The following NAV3 variants were observed in gnomAD, a reference collection of about 807,000 sequenced individuals.
NAV3 encodes neuron navigator 3.
In NAV3, 87 loss-of-function variants were observed where a neutral mutation model predicts 244.7. The observed-to-expected ratio is 0.36, with a 90% CI of 0.30 to 0.42. The LOEUF (loss-of-function observed/expected upper bound fraction) is 0.42, where lower values mean the gene tolerates loss of function less well. Ranked by LOEUF, NAV3 falls within the 20% of genes least tolerant of loss-of-function variation. The pLI is 1.00. For missense variants in NAV3, 2,663 were observed against 2,893.3 expected (o/e 0.92, Z 1.83); for synonymous variants, 1,126 against 1,042.2 (o/e 1.08, Z -1.55).
At chr12:78,129,943 A>G (rs1956090210) in intron 18 of NAV3, among the ~76,000 whole-genome samples, 1 of 152,114 alleles carries the variant, frequency 6.6e-6, no homozygotes, top group Non-Finnish European at 1.5e-5. Context: ...ACAATCCAAA[A>G]CCTTATATTT....
chr12:77,979,495 G>A (rs2136246884), intron 5 of NAV3, among the ~76,000 whole-genome samples: 1 of 152,098 alleles, frequency 6.6e-6, no homozygotes, highest in East Asian at 1.9e-4. Flanking sequence ...TGGAAAATCA[G>A]GAGATAACTT....
chr12:77,903,616 A>G (rs1381650273), intron 1 of NAV3, among the ~76,000 whole-genome samples: 1 of 152,214 alleles, frequency 6.6e-6, no homozygotes, highest in African/African-American at 2.4e-5. Flanking sequence ...ACCAAAAGCA[A>G]TGGCAACAAA....
At chr12:77,575,780 T>C (rs1219506149) in intron 2 of NAV3, among the ~76,000 whole-genome samples, 1 of 152,174 alleles carries the variant, frequency 6.6e-6, no homozygotes, top group Non-Finnish European at 1.5e-5. Context: ...TCCATGAATA[T>C]TTTGTGTATT....
chr12:78,140,215 TG>T, intron 19 of NAV3, 66 bp from the exon 20 acceptor site: 1 of 1,341,568 alleles, frequency 7.5e-7, no homozygotes, highest in Non-Finnish European at 1.1e-6. Context: ...TTACTTTTTC[TG>T]TAAAGGCTGG....
At chr12:77,733,834 ATTTTTTTTTTTT>A (rs56770236) in intron 2 of NAV3, among the ~76,000 whole-genome samples, 3 of 124,190 alleles carry the variant, frequency 2.4e-5, no homozygotes, top group African/African-American at 9.3e-5. Flanking sequence ...CTTGGTTTAG[ATTTTTTTTTTTT>A]TTTTTTTTTT....
intron 5 of NAV3, among the ~76,000 whole-genome samples, chr12:77,982,357 G>C (rs1869736617): frequency 3.3e-5 from 2 of 61,350 alleles, no homozygotes; most frequent in Non-Finnish European, 9.4e-5. Flanking sequence ...AGATACATCA[G>C]ATATGTGGCT....
intron 34 of NAV3, among the ~76,000 whole-genome samples, chr12:78,191,818 T>C (rs1354610258): frequency 2.6e-5 from 4 of 152,174 alleles, no homozygotes; most frequent in Non-Finnish European, 5.9e-5. Context: ...TTGAAAGGCC[T>C]CTTAGTCATC....
At chr12:77,743,352 A>G (rs1464227517) in intron 2 of NAV3, among the ~76,000 whole-genome samples, 1 of 151,818 alleles carries the variant, frequency 6.6e-6, no homozygotes, top group Non-Finnish European at 1.5e-5. Context: ...GATTTTTTCG[A>G]CTAGGGGTTG....
intron 38 of NAV3, among the ~76,000 whole-genome samples, chr12:78,204,065 C>A (rs1208914086): frequency 1.3e-5 from 2 of 151,848 alleles, no homozygotes; most frequent in Admixed American, 1.3e-4. Context: ...TATTTTTTAT[C>A]CTCTTTTACT....
At position 77,713,253 on chromosome 12, in the gene NAV3, A is replaced by G. The variant is rs11106396; in HGVS notation, c.72+140987A>G. On this transcript the variant is annotated intron_variant, in intron 2 of 8. Coordinates refer to the NAV3 transcript ENST00000550042. ...TGATGTATATGTGTACTGGCTTCTG[A>G]TTTTTTAAGTATTTGTGTTTCTCTC... is the stretch of plus-strand genomic sequence containing the variant. 1.8e-3 allele frequency among the ~76,000 whole-genome samples: 272 copies of G among 152,256 alleles called. 3 individuals carry two copies. Among genetic ancestry groups the G allele is most frequent in the African/African-American group, 6.3e-3 (262 of 41,542 alleles).
chr12:77,672,199 A>G (rs183383154), intron 2 of NAV3, among the ~76,000 whole-genome samples: 1 of 152,184 alleles, frequency 6.6e-6, no homozygotes, highest in Admixed American at 6.5e-5. Flanking sequence ...TCAAAACCAC[A>G]CTGCGGCCTG....
intron 2 of NAV3, among the ~76,000 whole-genome samples, chr12:77,789,048 G>A (rs189693380): frequency 8.9e-4 from 135 of 152,194 alleles, no homozygotes; most frequent in African/African-American, 2.9e-3. Flanking sequence ...ACTCTTCTAC[G>A]TTCCTAACAT....
intron 12 of NAV3, among the ~76,000 whole-genome samples, chr12:78,109,906 C>T (rs1431023771): frequency 2.0e-5 from 3 of 152,020 alleles, no homozygotes; most frequent in Non-Finnish European, 4.4e-5. Context: ...TGCAAACTCT[C>T]ACCACTCCTA....
intron 2 of NAV3, among the ~76,000 whole-genome samples, chr12:77,728,787 T>C (rs568067158): frequency 6.2e-4 from 94 of 151,978 alleles, no homozygotes; most frequent in African/African-American, 2.2e-3. Context: ...GGTCCACTTA[T>C]ACCTAGATCT....
intron 2 of NAV3, among the ~76,000 whole-genome samples, chr12:77,618,167 T>G (rs11105964): frequency 6.6e-6 from 1 of 152,342 alleles, no homozygotes; most frequent in East Asian, 1.9e-4. Context: ...AGCCTTCAGA[T>G]GACTGTAACC....
chr12:77,629,047 A>G (rs1023306737), intron 2 of NAV3, among the ~76,000 whole-genome samples: 1 of 152,242 alleles, frequency 6.6e-6, no homozygotes, highest in Non-Finnish European at 1.5e-5. Flanking sequence ...TACAATTAAA[A>G]TAATTTTATG....
At chr12:77,638,412 C>G (rs1355890574) in intron 2 of NAV3, among the ~76,000 whole-genome samples, 1 of 152,228 alleles carries the variant, frequency 6.6e-6, no homozygotes, top group Non-Finnish European at 1.5e-5. Context: ...CAGTTTACTA[C>G]TTTCTCATAC....
chr12:78,056,275 A>G (rs1283111109), intron 11 of NAV3: 1 of 152,184 alleles, frequency 6.6e-6, no homozygotes, highest in African/African-American at 2.4e-5. Flanking sequence ...GATGTGCTGG[A>G]CTTATTGCTC....
intron 20 of NAV3, among the ~76,000 whole-genome samples, chr12:78,144,655 C>T (rs1323042873): frequency 6.6e-6 from 1 of 151,706 alleles, no homozygotes; most frequent in East Asian, 1.9e-4. Context: ...GTATATGTAA[C>T]AGGACTATTA....
Sources: gnomAD v4.1 joint callset for allele counts (sites outside exome capture counted in the v4.1 genomes callset) on GRCh38, gnomAD v4.1.1 for gene constraint, MANE v1.5 for transcripts, NCBI Gene and HGNC (gene_info 2026-07-23, HGNC 2026-07-21) for gene names.